MYO16: variants seen among roughly 807,000 people sequenced by gnomAD.
MYO16 encodes the protein unconventional myosin-XVI.
In MYO16, 94 loss-of-function variants were observed where a neutral mutation model predicts 205.3. The ratio of observed to expected loss-of-function variants is 0.46; its 90% CI spans 0.39 to 0.54. The LOEUF is 0.54. Among genes scored for constraint, MYO16 ranks in the 20% least tolerant of loss-of-function variants. MYO16 has a pLI of 0.00. For synonymous variants in MYO16, 988 were observed against 954.0 expected (o/e 1.04, Z -0.66); for missense variants, 2,315 against 2,387.5 (o/e 0.97, Z 0.63).
upstream of MYO16, among the ~76,000 whole-genome samples, chr13:108,591,199 G>A (rs1340305978): frequency 6.6e-6 from 1 of 152,158 alleles, no homozygotes; most frequent in Non-Finnish European, 1.5e-5. Context: ...AGTCCCAGGA[G>A]TCTGTCCTGC....
intron 32 of MYO16, 64 bp from the exon 33 acceptor site, chr13:109,164,837 T>C: frequency 1.2e-6 from 1 of 810,172 alleles, no homozygotes; most frequent in East Asian, 3.2e-5. Context: ...TCTCCAAATG[T>C]TTTATTCAGT....
chr13:108,872,873 GAA>G (rs1448890029), intron 12 of MYO16, among the ~76,000 whole-genome samples: 1 of 152,264 alleles, frequency 6.6e-6, no homozygotes, highest in South Asian at 2.1e-4. Flanking sequence ...GAGAAAAGGT[GAA>G]AGTGTCTAGT....
At chr13:109,173,947 T>TG (rs1555338661) in intron 33 of MYO16, among the ~76,000 whole-genome samples, 19,739 of 114,838 alleles carry the variant, frequency 0.17, 2,400 homozygotes, top group African/African-American at 0.34. Context: ...CTTGTTTTGA[T>TG]GGGGGGGGGT....
rs1887126173 is a variant in MYO16, at chr13:108,806,731, A to C, written c.794A>C (p.Glu265Ala). 2.5e-6 allele frequency: 4 copies of C among 1,613,192 alleles called. No homozygotes were observed. Among genetic ancestry groups the C allele is most frequent in the Non-Finnish European group, 2.5e-6 (3 of 1,179,266 alleles). Residue 265 changes from glutamate (E) to alanine (A), a missense_variant, in exon 7 of 35, where the codon GAA (glutamate) becomes GCA (alanine). Glu to Ala is a moderately radical substitution (Grantham distance 107). Coordinates refer to ENST00000457511, the MANE Select transcript of MYO16 (RefSeq NM_001198950.3). ...GYKEVVSLIL[E>A]HGGDLNIVDD... ...AAGGAGGTGGTGTCTCTTATCCTGG[A>C]ACATGGTGGAGACCTCAACATAGTA...
intron 27 of MYO16, among the ~76,000 whole-genome samples, chr13:109,089,934 C>T (rs542328865): frequency 6.6e-6 from 1 of 152,356 alleles, no homozygotes; most frequent in African/African-American, 2.4e-5. Flanking sequence ...GTGCCCCAGA[C>T]TGCAAGAGAG....
At chr13:108,571,800 T>C in the MYO16 span, among the ~76,000 whole-genome samples, 1 of 151,060 alleles carries the variant, frequency 6.6e-6, no homozygotes, top group Non-Finnish European at 1.5e-5. Context: ...GTTGGCTGAC[T>C]GTGAGTTCCC....
At chr13:108,689,019 G>T (rs1882791301) in intron 2 of MYO16, among the ~76,000 whole-genome samples, 1 of 152,136 alleles carries the variant, frequency 6.6e-6, no homozygotes, top group Non-Finnish European at 1.5e-5. Context: ...AGGGATCACT[G>T]TAAGTATGTA....
At chr13:108,775,033 G>A (rs1000236201) in intron 4 of MYO16, among the ~76,000 whole-genome samples, 4 of 152,142 alleles carry the variant, frequency 2.6e-5, no homozygotes, top group African/African-American at 9.7e-5. Context: ...TTGGATATTT[G>A]TTTTATATTG....
At chr13:108,503,562 T>A in the MYO16 span, among the ~76,000 whole-genome samples, 1 of 152,078 alleles carries the variant, frequency 6.6e-6, no homozygotes, top group African/African-American at 2.4e-5. Flanking sequence ...CTCAAGTTAA[T>A]CCCATGCCAG....
chr13:108,623,523 C>T (rs1365851051), intron 1 of MYO16, among the ~76,000 whole-genome samples: 2 of 152,162 alleles, frequency 1.3e-5, no homozygotes, highest in Non-Finnish European at 1.5e-5. Context: ...ACAATATACA[C>T]TCAGTCTACT....
intron 8 of MYO16, 41 bp from the exon 9 acceptor site, chr13:108,823,084 C>T (rs747605457): frequency 1.3e-6 from 2 of 1,543,774 alleles, no homozygotes; most frequent in South Asian, 1.1e-5. Flanking sequence ...GTGCTATCAC[C>T]ACCCATCATT....
chr13:108,536,637 C>T, the MYO16 span, among the ~76,000 whole-genome samples: 1 of 152,064 alleles, frequency 6.6e-6, no homozygotes, highest in Non-Finnish European at 1.5e-5. Flanking sequence ...GTGAATCAGT[C>T]AATTTAATGA....
intron 27 of MYO16, among the ~76,000 whole-genome samples, chr13:109,074,881 A>G (rs1183560916): frequency 1.3e-5 from 2 of 152,214 alleles, no homozygotes; most frequent in African/African-American, 4.8e-5. Context: ...ACAATTCAAC[A>G]TGAGATTTGG....
the MYO16 span, among the ~76,000 whole-genome samples, chr13:108,553,860 T>C: frequency 6.6e-6 from 1 of 152,170 alleles, no homozygotes; most frequent in South Asian, 2.1e-4. Flanking sequence ...TTCCCTTACC[T>C]CCTCATGTCA....
chr13:108,841,104 A>T (rs1263550924), intron 9 of MYO16, among the ~76,000 whole-genome samples: 1 of 152,226 alleles, frequency 6.6e-6, no homozygotes, highest in African/African-American at 2.4e-5. Context: ...CAAAGTGAAA[A>T]CAAAGTTGGA....
chr13:108,689,729 G>T (rs1399500942), intron 2 of MYO16, among the ~76,000 whole-genome samples: 1 of 151,816 alleles, frequency 6.6e-6, no homozygotes, highest in Non-Finnish European at 1.5e-5. Flanking sequence ...AAAAATAGCA[G>T]CAAAGAAGTT....
intron 2 of MYO16, among the ~76,000 whole-genome samples, chr13:108,684,420 C>T (rs1882590435): frequency 6.6e-6 from 1 of 152,072 alleles, no homozygotes; most frequent in African/African-American, 2.4e-5. Context: ...GGGGTATGTG[C>T]TATTGTGATA....
intron 27 of MYO16, among the ~76,000 whole-genome samples, chr13:109,083,177 G>A (rs755846378): frequency 6.6e-6 from 1 of 152,010 alleles, no homozygotes; most frequent in Non-Finnish European, 1.5e-5. Context: ...GAAGTCAGGA[G>A]TTTGAGACCA....
At chr13:108,553,091 T>A in the MYO16 span, among the ~76,000 whole-genome samples, 5 of 135,590 alleles carry the variant, frequency 3.7e-5, no homozygotes, top group African/African-American at 1.4e-4. Flanking sequence ...CAATGTCAAC[T>A]CATTGCAACC....
Sources: allele counts gnomAD v4.1 joint callset (sites outside exome capture counted in the v4.1 genomes callset), GRCh38; gene constraint gnomAD v4.1.1; transcripts MANE v1.5; gene names NCBI Gene and HGNC (gene_info 2026-07-23, HGNC 2026-07-21).